The following DENND5B variants were observed in gnomAD, a reference collection of about 807,000 sequenced individuals.
DENND5B encodes the protein DENN domain-containing protein 5B.
A neutral mutation model predicts 140.6 loss-of-function variants in DENND5B; 34 were observed. The observed-to-expected ratio is 0.24, with a 90% CI of 0.18 to 0.32. DENND5B has a LOEUF of 0.32. DENND5B is among the 10% of genes least tolerant of loss of function. The pLI is 1.00. For synonymous variants in DENND5B, 551 were observed against 562.1 expected, an observed-to-expected ratio of 0.98 and a Z score of 0.28; for missense variants, 1,142 against 1,560.2, an observed-to-expected ratio of 0.73 and a Z score of 4.52.
Position 31,576,730 on chromosome 12 carries a change from T to G in DENND5B, c.127+13976A>C, listed in dbSNP as rs1442379409. ...AGAACCCATCTCTACAAAAAAAAAA[T>G]GTTTTTTTTAATTAGCTGGTCATGG... On this transcript the variant is annotated intron_variant, in intron 1 of 20. Coordinates refer to ENST00000389082, the MANE Select transcript of DENND5B (RefSeq NM_144973.4). 4.0e-5 allele frequency among the ~76,000 whole-genome samples: 6 copies of G among 150,654 alleles called. No homozygotes were observed. The South Asian group carries it at 1.3e-3, about 32-fold the overall frequency.
intron 1 of DENND5B, among the ~76,000 whole-genome samples, chr12:31,574,267 AAATAATAATAAT>A (rs60548839): frequency 2.2e-5 from 2 of 89,702 alleles, no homozygotes; most frequent in Non-Finnish European, 5.3e-5. Flanking sequence ...TGTCTCTAAA[AAATAATAATAAT>A]AATAATAATA....
intron 1 of DENND5B, among the ~76,000 whole-genome samples, chr12:31,568,003 C>T (rs890068036): frequency 2.0e-5 from 3 of 152,264 alleles, no homozygotes; most frequent in African/African-American, 7.2e-5. Flanking sequence ...CACAACTGGC[C>T]TCTTTTCTGT....
At chr12:31,485,885 T>A (rs1306986613) in intron 2 of DENND5B, among the ~76,000 whole-genome samples, 4 of 152,228 alleles carry the variant, frequency 2.6e-5, no homozygotes, top group African/African-American at 9.6e-5. Flanking sequence ...GCCCTAGCTA[T>A]ATGCCTGGTC....
chr12:31,516,921 A>G (rs1393461109), intron 1 of DENND5B, among the ~76,000 whole-genome samples: 25 of 152,206 alleles, frequency 1.6e-4, no homozygotes, highest in Non-Finnish European at 7.3e-5. Flanking sequence ...CCTGGGCAAC[A>G]GAGTGAGACC....
chr12:31,459,187 G>A (rs1324669415), intron 4 of DENND5B, among the ~76,000 whole-genome samples: 2 of 147,886 alleles, frequency 1.4e-5, no homozygotes, highest in East Asian at 2.0e-4. Context: ...TGGGCAACAA[G>A]AGCGAAACTC....
At chr12:31,407,020 G>A (rs906238878) in intron 14 of DENND5B, among the ~76,000 whole-genome samples, 1 of 151,372 alleles carries the variant, frequency 6.6e-6, no homozygotes, top group Non-Finnish European at 1.5e-5. Flanking sequence ...CGTCAGTCTC[G>A]AACTCCTGAC....
intron 12 of DENND5B, among the ~76,000 whole-genome samples, chr12:31,414,223 C>T (rs1593102341): frequency 2.0e-5 from 3 of 152,252 alleles, no homozygotes; most frequent in South Asian, 4.1e-4. Flanking sequence ...GATCTTATGA[C>T]ACTGCTTTAA....
intron 7 of DENND5B, among the ~76,000 whole-genome samples, chr12:31,434,001 T>C (rs542415231): frequency 1.3e-4 from 20 of 152,064 alleles, no homozygotes; most frequent in Non-Finnish European, 2.9e-4. Flanking sequence ...TCAAGATAAA[T>C]AGAAAGATTC....
intron 1 of DENND5B, among the ~76,000 whole-genome samples, chr12:31,567,654 C>A (rs1454962216): frequency 6.6e-6 from 1 of 151,972 alleles, no homozygotes; most frequent in African/African-American, 2.4e-5. Context: ...CAAGCCACTC[C>A]TTTGTTCAAA....
At chr12:31,424,778 T>C in intron 9 of DENND5B, 91 bp from the exon 10 acceptor site, 1 of 1,484,836 alleles carries the variant, frequency 6.7e-7, no homozygotes, top group Non-Finnish European at 9.1e-7. Context: ...TGGTTTCCCT[T>C]CATTATACTT....
intron 1 of DENND5B, among the ~76,000 whole-genome samples, chr12:31,567,801 G>T (rs1162467644): frequency 6.6e-6 from 1 of 152,212 alleles, no homozygotes; most frequent in African/African-American, 2.4e-5. Flanking sequence ...AACAGAGCAA[G>T]ATTCCACCTC....
intron 1 of DENND5B, among the ~76,000 whole-genome samples, chr12:31,499,146 G>GGA (rs1946902822): frequency 6.6e-6 from 1 of 151,392 alleles, no homozygotes; most frequent in African/African-American, 2.4e-5. Context: ...TTACTGCTGG[G>GGA]AAAAAAAAAC....
chr12:31,478,532 G>A (rs531334837), intron 3 of DENND5B, among the ~76,000 whole-genome samples: 43 of 152,036 alleles, frequency 2.8e-4, no homozygotes, highest in African/African-American at 8.7e-4. Context: ...GTGACAGTCC[G>A]TCTCTACAAA....
intron 10 of DENND5B, among the ~76,000 whole-genome samples, chr12:31,424,135 C>T (rs906932131): frequency 6.6e-6 from 1 of 152,030 alleles, no homozygotes. Flanking sequence ...AAGAAAGAAA[C>T]ATGCACACAT....
At chr12:31,439,929 CAAAAAAAAAAAAAAAAAA>C (rs67272470) in intron 7 of DENND5B, among the ~76,000 whole-genome samples, 1 of 52,300 alleles carries the variant, frequency 1.9e-5, no homozygotes, top group Non-Finnish European at 3.1e-5. Flanking sequence ...GACTCCGTCT[CAAAAAAAAAAAAAAAAAA>C]AAAAAAAAAA....
chr12:31,540,964 T>C (rs1028893748), intron 1 of DENND5B: 1 of 453,076 alleles, frequency 2.2e-6, no homozygotes, highest in African/African-American at 2.0e-5. Flanking sequence ...AAGGACAGTC[T>C]CTTCAGTCAA....
chr12:31,418,031 G>A (rs1278530118), intron 11 of DENND5B, among the ~76,000 whole-genome samples: 1 of 152,138 alleles, frequency 6.6e-6, no homozygotes, highest in African/African-American at 2.4e-5. Flanking sequence ...AGGTATAAAT[G>A]AGTACTGATG....
chr12:31,475,440 G>A (rs1945760180), intron 3 of DENND5B, among the ~76,000 whole-genome samples: 2 of 152,122 alleles, frequency 1.3e-5, no homozygotes, highest in South Asian at 4.1e-4. Context: ...TAAAACTCCT[G>A]AACAGACTCC....
chr12:31,452,447 G>A lies in DENND5B; in HGVS notation c.1122C>T (p.Asn374=). Residue 374 remains asparagine, a synonymous_variant, in exon 5 of 21, where the codon AAC becomes AAT. Transcript: ENST00000389082. ...ATTCTTCAGGCAACTCAATAAAATG[G>A]TTGTCAATGTCCACAAAACACAAAT... is the stretch of plus-strand genomic sequence containing the variant. ...EANLCFVDID[N]HFIELPEEFP... 1 of 1,605,124 alleles carries A rather than the reference G, an allele frequency of 6.2e-7. No individual in the cohort carries two copies. Among genetic ancestry groups the A allele is most frequent in the Non-Finnish European group, 8.5e-7 (1 of 1,176,342 alleles).
Sources: gnomAD v4.1 joint callset for allele counts (sites outside exome capture counted in the v4.1 genomes callset) on GRCh38, gnomAD v4.1.1 for gene constraint, MANE v1.5 for transcripts, NCBI Gene and HGNC (gene_info 2026-07-23, HGNC 2026-07-21) for gene names.